Variants in ATF6 observed in about 807,000 individuals in gnomAD.
The protein encoded by ATF6 is activating transcription factor 6.
Under a neutral mutation model 83.6 loss-of-function variants are expected in ATF6, and 53 were observed. That is an observed-to-expected ratio of 0.63 (90% CI 0.51 to 0.80). ATF6 has a LOEUF of 0.80. ATF6 is among the 30% of genes least tolerant of loss of function. ATF6 has a pLI of 0.00. For missense variants in ATF6, 744 were observed against 797.9 expected (o/e 0.93, Z 0.81); for synonymous variants, 288 against 285.8 (o/e 1.01, Z -0.08).
intron 1 of ATF6, among the ~76,000 whole-genome samples, chr1:161,769,714 G>T (rs149795181): frequency 5.9e-5 from 9 of 152,124 alleles, no homozygotes; most frequent in African/African-American, 2.2e-4. Flanking sequence ...GGTGATGGGA[G>T]ACAGTGATTA....
At chr1:161,850,221 A>G (rs1686583716) in intron 10 of ATF6, among the ~76,000 whole-genome samples, 1 of 152,086 alleles carries the variant, frequency 6.6e-6, no homozygotes, top group Admixed American at 6.5e-5. Context: ...GTAATTCCTT[A>G]TTATGACCTG....
intron 12 of ATF6, among the ~76,000 whole-genome samples, chr1:161,858,926 A>G (rs926609989): frequency 1.3e-5 from 2 of 152,168 alleles, no homozygotes; most frequent in African/African-American, 4.8e-5. Context: ...GCTTCTTTCA[A>G]ACTTCTTTGC....
At chr1:161,892,658 C>T (rs567189722) in intron 14 of ATF6, among the ~76,000 whole-genome samples, 30 of 129,648 alleles carry the variant, frequency 2.3e-4, no homozygotes, top group African/African-American at 9.1e-4. Context: ...GAGATGGAGT[C>T]GCGCTCTGTC....
intron 10 of ATF6, among the ~76,000 whole-genome samples, chr1:161,848,016 C>T (rs1438799770): frequency 6.6e-6 from 1 of 151,992 alleles, no homozygotes; most frequent in Non-Finnish European, 1.5e-5. Context: ...TGAAATTTAT[C>T]AGCTTTCAGA....
At chr1:161,935,334 A>T (rs1688515875) in intron 15 of ATF6, among the ~76,000 whole-genome samples, 1 of 152,212 alleles carries the variant, frequency 6.6e-6, no homozygotes, top group Admixed American at 6.5e-5. Context: ...ATGAGGTCAG[A>T]GGCTTCATGC....
chr1:161,887,689 C>G (rs1687456058), intron 14 of ATF6, among the ~76,000 whole-genome samples: 1 of 152,202 alleles, frequency 6.6e-6, no homozygotes, highest in South Asian at 2.1e-4. Context: ...AGAATAGGTT[C>G]TATAAATGGA....
At chr1:161,799,624 G>A (rs989202608) in intron 6 of ATF6, among the ~76,000 whole-genome samples, 3 of 152,140 alleles carry the variant, frequency 2.0e-5, no homozygotes, top group African/African-American at 7.2e-5. Flanking sequence ...AAGGGAAAAC[G>A]AGAAGGTAAA....
chr1:161,806,463 G>A (rs568115560), intron 7 of ATF6, among the ~76,000 whole-genome samples: 1 of 152,250 alleles, frequency 6.6e-6, no homozygotes, highest in South Asian at 2.1e-4. Flanking sequence ...TTCCACAGTG[G>A]GCCACATTGG....
chr1:161,954,109 A>C (rs890414951), intron 15 of ATF6, among the ~76,000 whole-genome samples: 1 of 152,184 alleles, frequency 6.6e-6, no homozygotes, highest in African/African-American at 2.4e-5. Context: ...AATGCAGTGC[A>C]TGGTGTGTAG....
intron 6 of ATF6, among the ~76,000 whole-genome samples, chr1:161,799,946 T>C (rs1685105971): frequency 6.6e-6 from 1 of 152,292 alleles, no homozygotes; most frequent in Non-Finnish European, 1.5e-5. Context: ...GCTTTTTTTT[T>C]CTTAAACAAA....
intron 1 of ATF6, among the ~76,000 whole-genome samples, chr1:161,777,558 T>C (rs779054451): frequency 6.6e-6 from 1 of 152,170 alleles, no homozygotes; most frequent in East Asian, 1.9e-4. Context: ...TCAGAGGAAA[T>C]AGGAACTTCA....
intron 14 of ATF6, chr1:161,891,232 G>A (rs557832021): frequency 3.3e-5 from 5 of 152,520 alleles, no homozygotes; most frequent in African/African-American, 9.6e-5. Flanking sequence ...GGCAGCGAGG[G>A]ACAGCTTCTG....
intron 4 of ATF6, 151 bp downstream of exon 4, chr1:161,784,247 G>T: frequency 1.7e-6 from 1 of 600,858 alleles, no homozygotes; most frequent in Admixed American, 3.4e-5. Flanking sequence ...AGAGCCTTGT[G>T]GGAGCTAGAA....
intron 14 of ATF6, among the ~76,000 whole-genome samples, chr1:161,911,496 A>C (rs1397340837): frequency 6.6e-6 from 1 of 152,222 alleles, no homozygotes; most frequent in Non-Finnish European, 1.5e-5. Flanking sequence ...TGTGTGCTGG[A>C]AATTAGAAAC....
At chr1:161,862,681 T>C (rs1385554005) in intron 13 of ATF6, among the ~76,000 whole-genome samples, 1 of 152,170 alleles carries the variant, frequency 6.6e-6, no homozygotes, top group Non-Finnish European at 1.5e-5. Context: ...AGTTTGTTCA[T>C]GGAGGGCAAT....
intron 15 of ATF6, among the ~76,000 whole-genome samples, chr1:161,932,327 G>A (rs1688451199): frequency 6.6e-6 from 1 of 151,814 alleles, no homozygotes; most frequent in Admixed American, 6.6e-5. Flanking sequence ...ATTTTTTCAG[G>A]CATATTGGAA....
At chr1:161,889,785 A>G (rs1463567970) in intron 14 of ATF6, among the ~76,000 whole-genome samples, 1 of 152,264 alleles carries the variant, frequency 6.6e-6, no homozygotes, top group Non-Finnish European at 1.5e-5. Flanking sequence ...GTTACAAAGA[A>G]CAAAAGGAAA....
At chr1:161,916,489 A>C (rs1262284164) in intron 15 of ATF6, among the ~76,000 whole-genome samples, 1 of 152,202 alleles carries the variant, frequency 6.6e-6, no homozygotes. Context: ...TATAGAAAGG[A>C]CTTTCTCTTG....
At chr1:161,819,044 A>G (rs546720411) in intron 7 of ATF6, among the ~76,000 whole-genome samples, 2 of 152,312 alleles carry the variant, frequency 1.3e-5, no homozygotes, top group African/African-American at 4.8e-5. Context: ...ACACATTTTC[A>G]CTGGAATAAA....
Sources: gnomAD v4.1 joint callset for allele counts (sites outside exome capture counted in the v4.1 genomes callset) on GRCh38, gnomAD v4.1.1 for gene constraint, MANE v1.5 for transcripts, NCBI Gene and HGNC (gene_info 2026-07-23, HGNC 2026-07-21) for gene names.